The following CACNA1E variants were observed in gnomAD, a reference collection of about 807,000 sequenced individuals.
CACNA1E encodes the protein calcium voltage-gated channel subunit alpha1 E, also known as voltage-dependent R-type calcium channel subunit alpha-1E.
In CACNA1E, 40 loss-of-function variants were observed where a neutral mutation model predicts 259.2. The observed-to-expected ratio is 0.15, with a 90% CI of 0.12 to 0.20. CACNA1E has a LOEUF of 0.20. CACNA1E is among the 10% of genes least tolerant of loss of function. The pLI is 1.00. For missense variants in CACNA1E, 1,874 were observed against 3,040.1 expected (o/e 0.62, Z 9.02); for synonymous variants, 1,104 against 1,138.5 (o/e 0.97, Z 0.61).
chr1:181,531,880 C>A (rs1015952088), intron 3 of CACNA1E, among the ~76,000 whole-genome samples: 3 of 152,162 alleles, frequency 2.0e-5, no homozygotes, highest in African/African-American at 7.2e-5. Context: ...CATGGTGAAA[C>A]CCCGTCTCTA....
chr1:181,752,900 C>G (rs186771307), intron 27 of CACNA1E, among the ~76,000 whole-genome samples: 4 of 152,212 alleles, frequency 2.6e-5, no homozygotes, highest in African/African-American at 7.2e-5. Flanking sequence ...CACGAGTCTC[C>G]CTGCCTCTCA....
chr1:181,630,610 C>G (rs1478050278), intron 6 of CACNA1E, among the ~76,000 whole-genome samples: 1 of 152,094 alleles, frequency 6.6e-6, no homozygotes, highest in Non-Finnish European at 1.5e-5. Flanking sequence ...AGGCACCTCT[C>G]TTCTTACTGA....
intron 2 of CACNA1E, among the ~76,000 whole-genome samples, chr1:181,478,291 G>A (rs1040580920): frequency 6.6e-6 from 1 of 152,212 alleles, no homozygotes; most frequent in East Asian, 1.9e-4. Flanking sequence ...GCATGTTGGA[G>A]TGTGGGGCTT....
chr1:181,376,422 G>C (rs1262547955), intron 1 of CACNA1E, among the ~76,000 whole-genome samples: 1 of 152,232 alleles, frequency 6.6e-6, no homozygotes, highest in African/African-American at 2.4e-5. Context: ...CATGTTTCCT[G>C]AACCAGTATA....
chr1:181,359,819 C>T (rs1653727470), intron 1 of CACNA1E, among the ~76,000 whole-genome samples: 2 of 152,172 alleles, frequency 1.3e-5, no homozygotes, highest in African/African-American at 2.4e-5. Flanking sequence ...TTCTATAATA[C>T]ATTCCTATTC....
intron 7 of CACNA1E, among the ~76,000 whole-genome samples, chr1:181,704,791 G>T (rs1652630448): frequency 6.6e-6 from 1 of 152,174 alleles, no homozygotes; most frequent in South Asian, 2.1e-4. Flanking sequence ...AAAGCTCCCT[G>T]CATGGAGCCG....
At chr1:181,497,615 G>T (rs1476953748) in intron 1 of CACNA1E, among the ~76,000 whole-genome samples, 2 of 152,198 alleles carry the variant, frequency 1.3e-5, no homozygotes, top group African/African-American at 2.4e-5. Flanking sequence ...AGTGGATATT[G>T]TTCTCATTTT....
intron 2 of CACNA1E, among the ~76,000 whole-genome samples, chr1:181,424,045 G>A (rs1183571222): frequency 1.3e-5 from 2 of 152,086 alleles, no homozygotes; most frequent in Non-Finnish European, 2.9e-5. Context: ...ACTCAGAGAC[G>A]AGGCATTTCA....
chr1:181,645,285 A>C (rs1658162446), intron 6 of CACNA1E, among the ~76,000 whole-genome samples: 1 of 152,162 alleles, frequency 6.6e-6, no homozygotes. Flanking sequence ...AAGGTTATCT[A>C]GAGGCTGGTT....
chr1:181,420,724 A>G (rs567315602), intron 2 of CACNA1E, among the ~76,000 whole-genome samples: 3 of 152,222 alleles, frequency 2.0e-5, no homozygotes, highest in Non-Finnish European at 4.4e-5. Context: ...AAGAACAGAA[A>G]CATTTTGTAT....
At chr1:181,738,808 A>G (rs544722218) in intron 24 of CACNA1E, among the ~76,000 whole-genome samples, 2 of 152,318 alleles carry the variant, frequency 1.3e-5, no homozygotes, top group Admixed American at 6.5e-5. Context: ...ACAACACTCC[A>G]TAGTCTGTCT....
intron 7 of CACNA1E, among the ~76,000 whole-genome samples, chr1:181,705,784 T>C (rs1652737359): frequency 6.6e-6 from 1 of 152,218 alleles, no homozygotes; most frequent in South Asian, 2.1e-4. Flanking sequence ...ACCAGATCTA[T>C]CCCTGCCTCT....
At chr1:181,337,546 G>A (rs1053419095) in intron 1 of CACNA1E, among the ~76,000 whole-genome samples, 11 of 151,806 alleles carry the variant, frequency 7.2e-5, no homozygotes, top group African/African-American at 1.2e-4. Context: ...GCCCCTAACC[G>A]CCATTTTACT....
chr1:181,460,422 G>T lies in CACNA1E; in HGVS notation c.435-23322G>T, dbSNP rs1484095487. On this transcript the variant is annotated intron_variant, in intron 2 of 11. Coordinates refer to the CACNA1E transcript ENST00000524607. ...ACAAGGCTGTACTGAGAAGCATACT[G>T]GGTAGTGGGCCAGGAACAGGACCCA... 5.3e-5 allele frequency among the ~76,000 whole-genome samples: 8 copies of T among 152,302 alleles called. No individual in the cohort carries two copies. In the East Asian group the frequency reaches 1.3e-3, roughly 26 times the overall value.
Position 181,686,293 on chromosome 1 carries a change from T to TTGTTTTTTTTTG in CACNA1E, c.1056-24660_1056-24659insGTTTTTTTTTGT. On this transcript the variant is annotated intron_variant, in intron 7 of 47. Coordinates refer to ENST00000367573, the MANE Select transcript of CACNA1E (RefSeq NM_001205293.3). ...GAACCAAGTTTTTTTTTTTTTTTTT[T>TTGTTTTTTTTTG]TTTTTTTTTTGAGATGGAGTTTCAC... 2.9e-5 allele frequency among the ~76,000 whole-genome samples: 4 copies of TTGTTTTTTTTTG among 136,948 alleles called. No homozygotes were observed. The South Asian group carries it at 9.9e-4, about 34-fold the overall frequency. 89.8% of individuals were successfully genotyped at this position (136,948 alleles called of 152,430 possible).
chr1:181,455,261 G>A (rs1661387582), intron 2 of CACNA1E, among the ~76,000 whole-genome samples: 1 of 152,150 alleles, frequency 6.6e-6, no homozygotes, highest in African/African-American at 2.4e-5. Flanking sequence ...CCACTGGTGG[G>A]CACAAAAGTC....
chr1:181,444,421 A>T (rs571331691), intron 2 of CACNA1E, among the ~76,000 whole-genome samples: 1 of 152,080 alleles, frequency 6.6e-6, no homozygotes, highest in Admixed American at 6.5e-5. Flanking sequence ...TGGAACTGCT[A>T]TGGGGGGAAA....
intron 1 of CACNA1E, among the ~76,000 whole-genome samples, chr1:181,320,858 A>G (rs1002759771): frequency 6.6e-6 from 1 of 152,104 alleles, no homozygotes; most frequent in African/African-American, 2.4e-5. Flanking sequence ...GTCTTAGTCC[A>G]TTTTGCTTTG....
At chr1:181,341,684 A>C (rs953069014) in intron 1 of CACNA1E, among the ~76,000 whole-genome samples, 1 of 152,054 alleles carries the variant, frequency 6.6e-6, no homozygotes, top group African/African-American at 2.4e-5. Context: ...ATCAGTGTTA[A>C]TCTCCTGCCT....
Sources: allele counts gnomAD v4.1 joint callset (sites outside exome capture counted in the v4.1 genomes callset), GRCh38; gene constraint gnomAD v4.1.1; transcripts MANE v1.5; gene names NCBI Gene and HGNC (gene_info 2026-07-23, HGNC 2026-07-21).